The following IL5RA variants were observed in gnomAD, a reference collection of about 807,000 sequenced individuals.
The protein encoded by IL5RA is interleukin 5 receptor subunit alpha.
A neutral mutation model predicts 50.0 loss-of-function variants in IL5RA; 49 were observed. That is an observed-to-expected ratio of 0.98 (90% CI 0.78 to 1.24). IL5RA has a LOEUF of 1.24. Among genes scored for constraint, IL5RA ranks in the 50% most tolerant of loss-of-function variants. The pLI, the probability that IL5RA is intolerant of heterozygous loss-of-function variation, is 0.00. For synonymous variants in IL5RA, 202 were observed against 174.0 expected (o/e 1.16, Z -1.26); for missense variants, 600 against 500.4 (o/e 1.20, Z -1.90).
chr3:3,091,953 A>G (rs1190600703), intron 9 of IL5RA: 7 of 1,173,224 alleles, frequency 6.0e-6, no homozygotes, highest in Non-Finnish European at 7.4e-6. Context: ...TTTAATTTAA[A>G]AAATGGATAG....
chr3:3,076,141 T>TA (rs1702474462), intron 10 of IL5RA, among the ~76,000 whole-genome samples: 1 of 152,092 alleles, frequency 6.6e-6, no homozygotes, highest in African/African-American at 2.4e-5. Context: ...CATGCAGGCA[T>TA]TGTGGTGATT....
At chr3:3,103,283 G>A (rs1289260182) in intron 3 of IL5RA, among the ~76,000 whole-genome samples, 1 of 152,124 alleles carries the variant, frequency 6.6e-6, no homozygotes, top group African/African-American at 2.4e-5. Flanking sequence ...ATATGAACAT[G>A]TTACTATATC....
intron 9 of IL5RA, among the ~76,000 whole-genome samples, chr3:3,088,069 G>C (rs980580853): frequency 2.0e-5 from 3 of 152,172 alleles, no homozygotes; most frequent in African/African-American, 7.2e-5. Flanking sequence ...TAATGGCAAC[G>C]AGGTACACCT....
intron 5 of IL5RA, among the ~76,000 whole-genome samples, chr3:3,099,852 T>A (rs1374231494): frequency 6.6e-6 from 1 of 151,974 alleles, no homozygotes; most frequent in Admixed American, 6.5e-5. Flanking sequence ...GTATATTTAG[T>A]AGAGACGGGG....
chr3:3,082,705 T>A (rs1702710864), intron 9 of IL5RA, among the ~76,000 whole-genome samples: 1 of 152,236 alleles, frequency 6.6e-6, no homozygotes, highest in Non-Finnish European at 1.5e-5. Flanking sequence ...CTGCAAGTAT[T>A]GGACCCAAAC....
rs1553752103 is a variant in IL5RA at position 3,096,289 on chromosome 3, A to AG, written c.710-846_710-845insC. 3.5e-5 allele frequency among the ~76,000 whole-genome samples: 5 copies of AG among 141,334 alleles called. No individual in the cohort carries two copies. The South Asian group carries it at 7.0e-4, about 20-fold the overall frequency. The allele number at this position is 141,334 out of a possible 152,430, so 92.7% of individuals were successfully genotyped here. ...CAAGAAATCTGTCTCAAAAAAAAAA[A>AG]AAGAAGAAGAAGAAGAAGAAGAGTG... is the stretch of plus-strand genomic sequence containing the variant. On this transcript the variant is annotated intron_variant, in intron 7 of 11. Coordinates refer to ENST00000446632, the MANE Select transcript of IL5RA (RefSeq NM_175726.4).
Position 3,095,310 on chromosome 3 carries a change from C to T in IL5RA, c.844G>A (p.Gly282Arg). 6.3e-7 allele frequency: 1 copy of T among 1,592,206 alleles called. No individual in the cohort carries two copies. The highest frequency in any genetic ancestry group is 8.6e-7 in the Non-Finnish European group (1 of 1,165,616). ...ATCTGAGTAATTACCTGCAAATATC[C>T]ATTCCTTGTATTGTGTATTTTTACT... ...YEVKIHNTRN[G>R]YLQIEKLMTN... is the part of the protein sequence containing the mutation. The change falls in exon 8 of 12, where the codon GGA (glycine) becomes AGA (arginine). Residue 282 changes from glycine (G) to arginine (R), a missense_variant. Physicochemically the swap from Gly to Arg is moderately radical, Grantham distance 125. Coordinates refer to ENST00000446632, the MANE Select transcript of IL5RA (RefSeq NM_175726.4).
chr3:3,097,997 G>C lies in IL5RA; in HGVS notation c.582C>G (p.Ile194Met), dbSNP rs375616330. The change falls in exon 7 of 12, where the codon ATC (isoleucine) becomes ATG (methionine). Residue 194 changes from isoleucine to methionine, a missense_variant. By Grantham distance (10) the Ile-to-Met change is conservative. Coordinates refer to ENST00000446632, the MANE Select transcript of IL5RA (RefSeq NM_175726.4). Reference protein sequence around the residue: ...EYSKDTLGRNIACWFPRTFIL... With the variant: ...EYSKDTLGRNMACWFPRTFIL... ...TAAAAGTCCTGGGAAACCAGCATGC[G>C]ATATTTCTCCCCAGTGTGTCTTTGC... is the stretch of plus-strand genomic sequence containing the variant. 1 of 1,614,160 alleles carries C rather than the reference G, an allele frequency of 6.2e-7. No individual in the cohort carries two copies. Among genetic ancestry groups the C allele is most frequent in the East Asian group, 2.2e-5 (1 of 44,884 alleles).
In IL5RA at chr3:3,097,970, G is replaced by GA. The variant is rs1156377136; in HGVS notation, c.608dup (p.Leu204ProfsTer6). 1 of 1,614,194 alleles carries GA rather than the reference G, an allele frequency of 6.2e-7. No homozygotes were observed. Among genetic ancestry groups the GA allele is most frequent in the African/African-American group, 1.3e-5 (1 of 75,042 alleles). ...CAAGCCAGTCACGCCCTTTGCTGAG[G>GA]ATAAAAGTCCTGGGAAACCAGCATG... On this transcript the variant is annotated frameshift_variant, in exon 7 of 12. Coordinates refer to ENST00000446632, the MANE Select transcript of IL5RA (RefSeq NM_175726.4). LOFTEE classifies it high-confidence loss of function.
intron 9 of IL5RA, among the ~76,000 whole-genome samples, 176 bp from the exon 10 acceptor site, chr3:3,076,803 G>C (rs1396845643): frequency 3.3e-5 from 5 of 152,164 alleles, no homozygotes; most frequent in Non-Finnish European, 7.3e-5. Context: ...TGTAAAAGAA[G>C]GGTAACAGCC....
chr3:3,097,957 G>T lies in IL5RA; in HGVS notation c.622C>A (p.Arg208Ser). The T allele has an allele frequency of 6.2e-7, 1 of 1,614,146 alleles. No homozygotes were observed. Among genetic ancestry groups the T allele is most frequent in the East Asian group, 2.2e-5 (1 of 44,886 alleles). Residue 208 changes from arginine to serine, a missense_variant, in exon 7 of 12, where the codon CGT (arginine) becomes AGT (serine). By Grantham distance (110) the Arg-to-Ser change is moderately radical (BLOSUM62 -1). Coordinates refer to ENST00000446632, the MANE Select transcript of IL5RA (RefSeq NM_175726.4). Reference protein sequence around the residue: ...FPRTFILSKGRDWLAVLVNGS... With the variant: ...FPRTFILSKGSDWLAVLVNGS... The stretch of plus-strand genomic sequence containing the variant: ...TTAACAAGCACCGCAAGCCAGTCAC[G>T]CCCTTTGCTGAGGATAAAAGTCCTG...
At chr3:3,073,374 G>A (rs928751633) in intron 11 of IL5RA, among the ~76,000 whole-genome samples, 7 of 152,180 alleles carry the variant, frequency 4.6e-5, no homozygotes, top group East Asian at 3.8e-4. Flanking sequence ...AACTACAGCC[G>A]CGGGCCAAAT....
At chr3:3,103,323 T>A (rs970676593) in intron 3 of IL5RA, among the ~76,000 whole-genome samples, 2 of 152,246 alleles carry the variant, frequency 1.3e-5, no homozygotes, top group Non-Finnish European at 2.9e-5. Context: ...ATTTTCAAAC[T>A]GAGAGTCATT....
intron 3 of IL5RA, among the ~76,000 whole-genome samples, chr3:3,103,534 CTTA>C (rs1405627179): frequency 2.0e-5 from 3 of 152,138 alleles, no homozygotes; most frequent in Non-Finnish European, 4.4e-5. Flanking sequence ...GTATTTACCT[CTTA>C]TTATGAGTCA....
At position 3,083,934 on chromosome 3, in the gene IL5RA, A is replaced by G. The variant is rs184131405; in HGVS notation, c.995-7307T>C. Among the ~76,000 whole-genome samples the G allele has an allele frequency of 6.1e-4, 92 of 151,762 alleles. 2 individuals carry two copies. The Middle Eastern group carries it at 0.031, about 50-fold the overall frequency. On this transcript the variant is annotated intron_variant, in intron 9 of 11. Transcript: ENST00000446632. ...CGGGGTGGCATGAGTAATTCCAGCT[A>G]CTCCGGTGGCTGAGGCAGGAAAATT...
At chr3:3,087,313 CACTT>C (rs1477389190) in intron 9 of IL5RA, among the ~76,000 whole-genome samples, 5 of 152,182 alleles carry the variant, frequency 3.3e-5, no homozygotes, top group Non-Finnish European at 7.3e-5. Flanking sequence ...AAAGAGCACT[CACTT>C]GCTAACTATA....
chr3:3,095,243 A>T, intron 8 of IL5RA, 56 bp downstream of exon 8: 1 of 1,400,076 alleles, frequency 7.1e-7, no homozygotes, highest in South Asian at 1.2e-5. Context: ...ATAATTTTTT[A>T]AATGTTTCTA....
intron 2 of IL5RA, among the ~76,000 whole-genome samples, chr3:3,106,099 T>C (rs1335448819): frequency 6.6e-6 from 1 of 152,186 alleles, no homozygotes. Context: ...GTCTGAAAGC[T>C]GAAATAATCT....
chr3:3,080,167 A>G (rs192201459), intron 9 of IL5RA, among the ~76,000 whole-genome samples: 28 of 152,328 alleles, frequency 1.8e-4, no homozygotes, highest in Admixed American at 1.3e-3. Context: ...TTCTATACAT[A>G]TTTTTGCATT....
Sources: allele counts gnomAD v4.1 joint callset (sites outside exome capture counted in the v4.1 genomes callset), GRCh38; gene constraint gnomAD v4.1.1; transcripts MANE v1.5; gene names NCBI Gene and HGNC (gene_info 2026-07-23, HGNC 2026-07-21).